The following LRGUK variants were observed in gnomAD, a reference collection of about 807,000 sequenced individuals.
The protein encoded by LRGUK is leucine rich repeats and guanylate kinase domain containing, also known as leucine-rich repeat and guanylate kinase domain-containing protein.
In LRGUK, 65 loss-of-function variants were observed where a neutral mutation model predicts 76.0. That is an observed-to-expected ratio of 0.85 (90% confidence interval 0.70 to 1.05). LRGUK has a LOEUF of 1.05. LRGUK is among the 50% of genes least tolerant of loss of function. The pLI, the probability that LRGUK is intolerant of heterozygous loss-of-function variation, is 0.00. For synonymous variants in LRGUK, 268 were observed against 265.6 expected, an observed-to-expected ratio of 1.01 and a Z score of -0.09; for missense variants, 758 against 732.8, an observed-to-expected ratio of 1.03 and a Z score of -0.40.
At chr7:134,212,732 C>T (rs531058009), downstream of LRGUK, among the ~76,000 whole-genome samples, 3 of 152,140 alleles carry the variant, frequency 2.0e-5, no homozygotes, top group Non-Finnish European at 4.4e-5. Flanking sequence ...ACGCTATGTG[C>T]CAGACAGTGA....
chr7:134,241,665 G>A (rs918603857), intron 16 of LRGUK, among the ~76,000 whole-genome samples: 1 of 152,032 alleles, frequency 6.6e-6, no homozygotes, highest in African/African-American at 2.4e-5. Context: ...AAGTTAACAG[G>A]GATATCCAGG....
intron 16 of LRGUK, among the ~76,000 whole-genome samples, chr7:134,226,645 AC>A (rs1801771566): frequency 6.6e-6 from 1 of 152,198 alleles, no homozygotes; most frequent in African/African-American, 2.4e-5. Flanking sequence ...GAATAATGTG[AC>A]AGCCTTGCCA....
At chr7:134,235,950 A>G (rs946241128) in intron 16 of LRGUK, among the ~76,000 whole-genome samples, 17 of 152,230 alleles carry the variant, frequency 1.1e-4, no homozygotes, top group African/African-American at 4.1e-4. Context: ...AGACAATGCT[A>G]GAACAAATGT....
chr7:134,170,960 C>T (rs1361709258), intron 7 of LRGUK, among the ~76,000 whole-genome samples: 2 of 152,090 alleles, frequency 1.3e-5, no homozygotes, highest in East Asian at 1.9e-4. Context: ...TAGATCCTCA[C>T]AGTTTGAAAA....
At chr7:134,208,573 G>C (rs1419043338) in intron 15 of LRGUK, 2 of 396,524 alleles carry the variant, frequency 5.0e-6, no homozygotes, top group Non-Finnish European at 8.9e-6. Flanking sequence ...GGAAGGTTAA[G>C]TTCTCCTATA....
chr7:134,205,681 G>A (rs991609679), intron 15 of LRGUK, among the ~76,000 whole-genome samples: 1 of 152,180 alleles, frequency 6.6e-6, no homozygotes, highest in Non-Finnish European at 1.5e-5. Flanking sequence ...CTGGAAATAT[G>A]AAGCCTTGGT....
At chr7:134,273,044 G>T in the LRGUK span, among the ~76,000 whole-genome samples, 1 of 152,148 alleles carries the variant, frequency 6.6e-6, no homozygotes, top group African/African-American at 2.4e-5. Flanking sequence ...TTGCCAGAAT[G>T]CATGCCTGGC....
chr7:134,211,294 C>T (rs1324200342), downstream of LRGUK, among the ~76,000 whole-genome samples: 1 of 152,232 alleles, frequency 6.6e-6, no homozygotes, highest in Non-Finnish European at 1.5e-5. Flanking sequence ...TGTCCAGACA[C>T]GAATCCAACC....
intron 10 of LRGUK, among the ~76,000 whole-genome samples, chr7:134,179,650 G>C (rs891367518): frequency 6.6e-6 from 1 of 152,160 alleles, no homozygotes; most frequent in Non-Finnish European, 1.5e-5. Flanking sequence ...ATTGCTAGTT[G>C]TTTCATGCTT....
At chr7:134,137,117 A>G (rs1277733413) in exon 2 of LRGUK, 5 of 1,610,340 alleles carry the variant, frequency 3.1e-6, no homozygotes, top group Middle Eastern at 1.6e-4. Context: ...GTCTACCTCA[A>G]TCTAACTTTA....
intron 7 of LRGUK, among the ~76,000 whole-genome samples, chr7:134,170,890 T>C (rs940954753): frequency 2.6e-5 from 4 of 152,224 alleles, no homozygotes; most frequent in African/African-American, 9.6e-5. Context: ...TTCGGTTCCA[T>C]TGATCTGTCT....
At chr7:134,253,012 T>C (rs1802485287) in intron 18 of LRGUK, among the ~76,000 whole-genome samples, 1 of 152,218 alleles carries the variant, frequency 6.6e-6, no homozygotes, top group African/African-American at 2.4e-5. Context: ...ATAGACCCAA[T>C]TGCATCAGCC....
chr7:134,267,954 A>G (rs1585617178), downstream of LRGUK, among the ~76,000 whole-genome samples: 1 of 152,302 alleles, frequency 6.6e-6, no homozygotes, highest in African/African-American at 2.4e-5. Flanking sequence ...CTGAATAAAA[A>G]TGAAAATATA....
chr7:134,185,200 A>AAAACAAAAAACCAAAAACAAAC (rs1225226824), intron 11 of LRGUK, among the ~76,000 whole-genome samples: 1 of 152,192 alleles, frequency 6.6e-6, no homozygotes, highest in East Asian at 1.9e-4. Context: ...ACCATCCAAA[A>AAAACAAAAAACCAAAAACAAAC]AAACAAAAAA....
At chr7:134,231,203 A>G (rs551848944) in intron 16 of LRGUK, among the ~76,000 whole-genome samples, 1 of 152,256 alleles carries the variant, frequency 6.6e-6, no homozygotes, top group East Asian at 1.9e-4. Context: ...CATTAGGGGG[A>G]GACCCAGCTT....
intron 6 of LRGUK, among the ~76,000 whole-genome samples, chr7:134,162,649 A>G (rs1296867972): frequency 6.6e-6 from 1 of 152,100 alleles, no homozygotes; most frequent in Non-Finnish European, 1.5e-5. Flanking sequence ...CAACATGATG[A>G]AACCCCATCT....
chr7:134,148,284 C>T, exon 5 of LRGUK: 1 of 1,605,052 alleles, frequency 6.2e-7, no homozygotes, highest in Non-Finnish European at 8.5e-7. Flanking sequence ...TGTGATTTGT[C>T]AGCGTATCAT....
chr7:134,264,933 C>A (rs1334017982), downstream of LRGUK, among the ~76,000 whole-genome samples: 1 of 152,160 alleles, frequency 6.6e-6, no homozygotes, highest in African/African-American at 2.4e-5. Context: ...AATATCAAAA[C>A]CCCTTTTAAT....
At chr7:134,227,022 G>A (rs1017692406) in intron 16 of LRGUK, among the ~76,000 whole-genome samples, 4 of 149,146 alleles carry the variant, frequency 2.7e-5, no homozygotes, top group Non-Finnish European at 5.9e-5. Flanking sequence ...CCTTCCTGCT[G>A]AGAACAACTA....
Sources: allele counts gnomAD v4.1 joint callset (sites outside exome capture counted in the v4.1 genomes callset), GRCh38; gene constraint gnomAD v4.1.1; transcripts MANE v1.5; gene names NCBI Gene and HGNC (gene_info 2026-07-23, HGNC 2026-07-21).